Variants in ZRANB3 observed in about 807,000 individuals in gnomAD.
The protein encoded by ZRANB3 is DNA annealing helicase and endonuclease ZRANB3.
A neutral mutation model predicts 133.8 loss-of-function variants in ZRANB3; 125 were observed. The observed-to-expected ratio is 0.93, with a 90% CI of 0.81 to 1.08. The LOEUF is 1.08. ZRANB3 is among the 50% of genes least tolerant of loss of function. The probability of loss-of-function intolerance (pLI) is 0.00; values close to 1 mark genes in which losing one functional copy is unlikely to be tolerated. For missense variants in ZRANB3, 1,229 were observed against 1,275.5 expected (o/e 0.96, Z 0.56); for synonymous variants, 387 against 432.7 (o/e 0.89, Z 1.31).
rs968037731 is a variant in ZRANB3, at chr2:135,199,224, C to G, written c.*1118G>C. On this transcript the variant is annotated 3_prime_UTR_variant, in exon 21 of 21. Coordinates refer to ENST00000264159, the MANE Select transcript of ZRANB3 (RefSeq NM_032143.4). The stretch of plus-strand genomic sequence containing the variant: ...AGTACCAGAAACATACCTTTAATAA[C>G]ACAGGGTTTTAAAAACAGAAAATGA... 1.3e-5 allele frequency: 2 copies of G among 152,022 alleles called. No individual in the cohort carries two copies. Among genetic ancestry groups the G allele is most frequent in the Non-Finnish European group, 2.9e-5 (2 of 67,998 alleles). 9.4% of individuals were successfully genotyped at this position (152,022 alleles called of 1,614,324 possible). A position where few individuals can be genotyped will look rare whatever the true frequency, so the allele number is the denominator to read the frequency against.
intron 2 of ZRANB3, among the ~76,000 whole-genome samples, chr2:135,402,895 T>C (rs1574044693): frequency 6.6e-6 from 1 of 151,996 alleles, no homozygotes; most frequent in African/African-American, 2.4e-5. Flanking sequence ...CAGTCCATTC[T>C]TTTTCAATGT....
intron 2 of ZRANB3, among the ~76,000 whole-genome samples, chr2:135,415,575 A>G (rs1007379193): frequency 1.3e-5 from 2 of 152,134 alleles, no homozygotes; most frequent in African/African-American, 4.8e-5. Context: ...CCAATCAATA[A>G]AAAAAGAGGG....
intron 2 of ZRANB3, among the ~76,000 whole-genome samples, chr2:135,426,895 T>C (rs868733308): frequency 1.3e-5 from 1 of 78,878 alleles, no homozygotes; most frequent in African/African-American, 5.0e-5. Flanking sequence ...TATATATATA[T>C]ATATATATAT....
At chr2:135,367,089 C>T (rs1685973705) in intron 3 of ZRANB3, among the ~76,000 whole-genome samples, 1 of 152,012 alleles carries the variant, frequency 6.6e-6, no homozygotes, top group African/African-American at 2.4e-5. Flanking sequence ...CTCTAAAAAC[C>T]ACTCCAACTC....
chr2:135,340,104 CTT>C (rs769541283), intron 6 of ZRANB3, among the ~76,000 whole-genome samples: 29 of 123,708 alleles, frequency 2.3e-4, no homozygotes, highest in Admixed American at 2.5e-4. Flanking sequence ...TGTCCCTTTT[CTT>C]TTTTTTTTTT....
chr2:135,413,570 T>C (rs1688409937), intron 2 of ZRANB3, among the ~76,000 whole-genome samples: 1 of 152,192 alleles, frequency 6.6e-6, no homozygotes, highest in African/African-American at 2.4e-5. Context: ...TTGGTTTAAT[T>C]GGCTTAGTGA....
chr2:135,417,143 C>G (rs1039879327), intron 2 of ZRANB3, among the ~76,000 whole-genome samples: 4 of 151,996 alleles, frequency 2.6e-5, no homozygotes, highest in Non-Finnish European at 5.9e-5. Flanking sequence ...TTTTGCACAG[C>G]AAAAGAAACT....
Position 135,275,736 on chromosome 2 carries a change from TA to T in ZRANB3, c.985del (p.Tyr329IlefsTer4), listed in dbSNP as rs1558880247. The T allele has an allele frequency of 6.3e-7, 1 of 1,589,136 alleles. No individual in the cohort carries two copies. Among genetic ancestry groups the T allele is most frequent in the Admixed American group, 1.7e-5 (1 of 57,776 alleles). On this transcript the variant is annotated frameshift_variant, in exon 9 of 21. Coordinates refer to ENST00000264159, the MANE Select transcript of ZRANB3 (RefSeq NM_032143.4). LOFTEE classifies it high-confidence loss of function. Reference protein sequence around the residue: ...AIAKAGAVKDYIKMMLQNDSL... With the variant: ...AIAKAGAVKDXIKMMLQNDSL... Reference sequence around the variant, plus strand: ...ATCATTCTGAAGCATCATCTTAATATAATCCTTTACAGCACCTGCCTAAATA... The same window carrying T: ...ATCATTCTGAAGCATCATCTTAATATATCCTTTACAGCACCTGCCTAAATA...
intron 17 of ZRANB3, among the ~76,000 whole-genome samples, chr2:135,210,314 T>C (rs1450908967): frequency 1.3e-5 from 2 of 151,718 alleles, no homozygotes; most frequent in African/African-American, 4.9e-5. Context: ...GAAATGCTGA[T>C]TAATTCATTT....
At chr2:135,323,984 G>A (rs1396843149) in intron 6 of ZRANB3, among the ~76,000 whole-genome samples, 1 of 152,038 alleles carries the variant, frequency 6.6e-6, no homozygotes, top group Non-Finnish European at 1.5e-5. Flanking sequence ...GGTCAGGCTG[G>A]TCTCGAACTC....
rs993286549 is a variant in ZRANB3, at chr2:135,242,189, A to C, written c.1540-11262T>G. On this transcript the variant is annotated intron_variant, in intron 12 of 20. Transcript: ENST00000264159. Reference sequence around the variant, plus strand: ...TGAGACTCTGTCTCCAAAAAAAAAAAGAGAGAGACAATTGGATTTAGGTAT... The same window carrying C: ...TGAGACTCTGTCTCCAAAAAAAAAACGAGAGAGACAATTGGATTTAGGTAT... Among the ~76,000 whole-genome samples the C allele has an allele frequency of 4.8e-4, 73 of 151,848 alleles. 1 individual carries two copies. The highest frequency in any genetic ancestry group is 8.8e-5 in the Non-Finnish European group (6 of 67,940).
chr2:135,433,336 G>A (rs561649240), intron 2 of ZRANB3, among the ~76,000 whole-genome samples: 1 of 151,874 alleles, frequency 6.6e-6, no homozygotes, highest in Non-Finnish European at 1.5e-5. Context: ...GCGGTGAACC[G>A]TATTTGCACC....
intron 1 of ZRANB3, among the ~76,000 whole-genome samples, chr2:135,528,406 T>C (rs1006144657): frequency 1.3e-5 from 2 of 152,160 alleles, no homozygotes; most frequent in Non-Finnish European, 2.9e-5. Flanking sequence ...CCTTGACATC[T>C]TAAAGTGCTG....
chr2:135,392,351 A>G lies in ZRANB3; in HGVS notation c.162-1531T>C, dbSNP rs1344551243. On this transcript the variant is annotated intron_variant, in intron 2 of 20. Coordinates refer to ENST00000264159, the MANE Select transcript of ZRANB3 (RefSeq NM_032143.4). ...AAACAAAATGAAAATACAAAAAAAA[A>G]AAAAGGGGGGGGGGGCAGGAAAAAA... Among the ~76,000 whole-genome samples the G allele has an allele frequency of 7.5e-5, 9 of 119,840 alleles. No individual in the cohort carries two copies. The East Asian group carries it at 2.7e-3, about 36-fold the overall frequency. The allele number at this position is 119,840 out of a possible 152,430, so 78.6% of individuals were successfully genotyped here.
At position 135,269,115 on chromosome 2, in the gene ZRANB3, A is replaced by G. The variant is rs769472305; in HGVS notation, c.1233T>C (p.His411=). 8 of 1,604,172 alleles carry G rather than the reference A, an allele frequency of 5.0e-6. No individual in the cohort carries two copies. The African/African-American group carries it at 1.1e-4, about 22-fold the overall frequency. The change falls in exon 11 of 21, where the codon CAT becomes CAC. Residue 411 remains histidine (H), a synonymous_variant. Coordinates refer to ENST00000264159, the MANE Select transcript of ZRANB3 (RefSeq NM_032143.4). ...CCCAGTACAACTCAGCAAATACAAC[A>G]TGACTTGCTGCAGTAAATGTTAATC... The part of the protein sequence containing the change: ...GQGLTFTAAS[H]VVFAELYWDP...
chr2:135,254,332 T>C (rs1293511521), intron 12 of ZRANB3, among the ~76,000 whole-genome samples: 1 of 152,236 alleles, frequency 6.6e-6, no homozygotes, highest in African/African-American at 2.4e-5. Context: ...ATATTTATCG[T>C]ATTGCATTAA....
At chr2:135,407,569 A>C (rs1450724023) in intron 2 of ZRANB3, among the ~76,000 whole-genome samples, 1 of 149,572 alleles carries the variant, frequency 6.7e-6, no homozygotes, top group African/African-American at 2.6e-5. Context: ...CTGACTTCAA[A>C]CTATACTACA....
chr2:135,459,232 T>G (rs1234364845), intron 2 of ZRANB3, among the ~76,000 whole-genome samples: 2 of 152,204 alleles, frequency 1.3e-5, no homozygotes, highest in African/African-American at 2.4e-5. Context: ...TTGTCAATTC[T>G]TTCTGCCTCA....
At position 135,230,589 on chromosome 2, in the gene ZRANB3, T is replaced by C. The variant is rs745464076; in HGVS notation, c.1878A>G (p.Gln626=). 10 of 1,603,316 alleles carry C rather than the reference T, an allele frequency of 6.2e-6. No homozygotes were observed. The South Asian group carries it at 7.9e-5, about 13-fold the overall frequency. The change falls in exon 13 of 21, where the codon CAA becomes CAG. Residue 626 remains glutamine, a synonymous_variant. Transcript: ENST00000264159. ...TATTGATATAGGTGCAGAGACTACATTGCCAGCCCTCTACAGGAAAGGCTG... is the reference window on the plus strand; with the variant it reads ...TATTGATATAGGTGCAGAGACTACACTGCCAGCCCTCTACAGGAAAGGCTG... ...TTPAFPVEGW[Q]CSLCTYINNS...
Sources: gnomAD v4.1 joint callset for allele counts (sites outside exome capture counted in the v4.1 genomes callset) on GRCh38, gnomAD v4.1.1 for gene constraint, MANE v1.5 for transcripts, NCBI Gene and HGNC (gene_info 2026-07-23, HGNC 2026-07-21) for gene names.